The following ZNF483 variants were observed in gnomAD, a reference collection of about 807,000 sequenced individuals.
ZNF483 encodes the protein zinc finger protein 483.
Under a neutral mutation model 28.6 loss-of-function variants are expected in ZNF483, and 9 were observed. That is an observed-to-expected ratio of 0.32 (90% CI 0.19 to 0.55). The LOEUF is 0.55. Ranked by LOEUF, ZNF483 falls within the 20% of genes least tolerant of loss-of-function variation. The pLI, the probability that ZNF483 is intolerant of heterozygous loss-of-function variation, is 0.93. For synonymous variants in ZNF483, 322 were observed against 306.2 expected, an observed-to-expected ratio of 1.05 and a Z score of -0.54; for missense variants, 675 against 871.7, an observed-to-expected ratio of 0.77 and a Z score of 2.84.
chr9:111,531,063 T>G, intron 3 of ZNF483, 100 bp downstream of exon 3: 1 of 406,182 alleles, frequency 2.5e-6, no homozygotes, highest in Non-Finnish European at 4.3e-6. Context: ...GCACGGTGGC[T>G]TACACCTGTA....
In ZNF483 at chr9:111,543,279, G is replaced by C; in HGVS notation, c.*109G>C. The C allele has an allele frequency of 1.4e-6, 2 of 1,448,452 alleles. No individual in the cohort carries two copies. The highest frequency in any genetic ancestry group is 1.8e-6 in the Non-Finnish European group (2 of 1,107,434). 89.7% of individuals were successfully genotyped at this position (1,448,452 alleles called of 1,614,324 possible). A position where few individuals can be genotyped will look rare whatever the true frequency, so the allele number is the denominator to read the frequency against. The stretch of plus-strand genomic sequence containing the variant: ...CAGTAGCTGCAGCTTTCGTAAATTG[G>C]CAGTTAGGAAAAATATCCTTTTGCC... On this transcript the variant is annotated 3_prime_UTR_variant, in exon 6 of 6. Coordinates refer to ENST00000309235, the MANE Select transcript of ZNF483 (RefSeq NM_133464.5).
At chr9:111,533,301 T>A (rs1827396045) in intron 3 of ZNF483, among the ~76,000 whole-genome samples, 1 of 152,216 alleles carries the variant, frequency 6.6e-6, no homozygotes, top group Non-Finnish European at 1.5e-5. Context: ...TTGTTCTGAA[T>A]CACTTATAAC....
In ZNF483 at chr9:111,546,537, T is replaced by G. The variant is rs1295549519; in HGVS notation, c.*3367T>G. Among the ~76,000 whole-genome samples, 3 of 152,214 alleles carry G rather than the reference T, an allele frequency of 2.0e-5. No individual in the cohort carries two copies. The highest frequency in any genetic ancestry group is 1.5e-5 in the Non-Finnish European group (1 of 68,014). On this transcript the variant is annotated 3_prime_UTR_variant, in exon 6 of 6. Transcript: ENST00000309235. ...TTTATGAAGAGCACTGTGACACATT[T>G]TACTTTAAAATGAAGTCCTTGCTTT...
downstream of ZNF483, among the ~76,000 whole-genome samples, chr9:111,558,218 G>A (rs1202909372): frequency 2.0e-5 from 3 of 152,120 alleles, no homozygotes; most frequent in East Asian, 1.9e-4. Flanking sequence ...GTCTCAGTAC[G>A]GACTCATGGT....
At position 111,543,359 on chromosome 9, in the gene ZNF483, G is replaced by A; in HGVS notation, c.*189G>A. On this transcript the variant is annotated 3_prime_UTR_variant, in exon 6 of 6. Transcript: ENST00000309235. Reference sequence around the variant, plus strand: ...AACGACTGGTAAACAGTAATTAGTTGGTAAAGTCACTGGAAAGGGAAGAAT... The same window carrying A: ...AACGACTGGTAAACAGTAATTAGTTAGTAAAGTCACTGGAAAGGGAAGAAT... 3 of 1,343,150 alleles carry A rather than the reference G, an allele frequency of 2.2e-6. No homozygotes were observed. The highest frequency in any genetic ancestry group is 2.1e-5 in the South Asian group (1 of 47,838). 83.2% of individuals were successfully genotyped at this position (1,343,150 alleles called of 1,614,324 possible).
intron 5 of ZNF483, among the ~76,000 whole-genome samples, chr9:111,561,282 T>G (rs1267541835): frequency 1.3e-5 from 2 of 151,738 alleles, no homozygotes; most frequent in Non-Finnish European, 2.9e-5. Context: ...GTTTTGTTTT[T>G]AATTTTTTTT....
At position 111,554,868 on chromosome 9, in the gene ZNF483, C is replaced by A. The variant is rs1828076120; in HGVS notation, c.*11698C>A. 6.6e-6 allele frequency among the ~76,000 whole-genome samples: 1 copy of A among 152,328 alleles called. No homozygotes were observed. The highest frequency in any genetic ancestry group is 2.4e-5 in the African/African-American group (1 of 41,576). On this transcript the variant is annotated 3_prime_UTR_variant, in exon 6 of 6. Coordinates refer to ENST00000309235, the MANE Select transcript of ZNF483 (RefSeq NM_133464.5). ...CAAAGTCTAATCTGCTCAGGGTCTA[C>A]AACTGAAGTCCAGGGTCTTTGAGTT...
intron 5 of ZNF483, among the ~76,000 whole-genome samples, chr9:111,561,686 A>G (rs578228048): frequency 6.6e-6 from 1 of 152,282 alleles, no homozygotes; most frequent in East Asian, 1.9e-4. Context: ...GGTGTGTTGA[A>G]TAATTAGACT....
chr9:111,558,542 A>G (rs1432649135), downstream of ZNF483, among the ~76,000 whole-genome samples: 1 of 152,186 alleles, frequency 6.6e-6, no homozygotes, highest in African/African-American at 2.4e-5. Context: ...TTGCAAGCTC[A>G]TCTTGTATCT....
At chr9:111,573,873 T>C in intron 5 of ZNF483, among the ~76,000 whole-genome samples, 1 of 151,692 alleles carries the variant, frequency 6.6e-6, no homozygotes, top group East Asian at 1.9e-4. Context: ...CATAAGAGAG[T>C]AGGGAGTGGG....
At chr9:111,564,281 TTA>T (rs1828451925) in intron 5 of ZNF483, 10 of 297,546 alleles carry the variant, frequency 3.4e-5, no homozygotes, top group Middle Eastern at 1.4e-3. Flanking sequence ...TAAACTTTTA[TTA>T]TTATTATTAT....
At chr9:111,558,679 AGT>A (rs1828192030), downstream of ZNF483, among the ~76,000 whole-genome samples, 2 of 152,202 alleles carry the variant, frequency 1.3e-5, no homozygotes, top group Admixed American at 6.5e-5. Flanking sequence ...AGGCCCTCTT[AGT>A]GGGCAGAGTT....
Position 111,534,275 on chromosome 9 carries a change from A to G in ZNF483, c.643A>G (p.Lys215Glu). The change falls in exon 5 of 6, where the codon AAA (lysine) becomes GAA (glutamate). Residue 215 changes from lysine (K) to glutamate (E), a missense_variant. Physicochemically the swap from Lys to Glu is moderately conservative, Grantham distance 56 (BLOSUM62 1). Around this residue, in one of 6 missense-constraint regions of ZNF483, gnomAD observed 525 missense variants for 581.8 expected, o/e 0.90. Transcript: ENST00000309235. ...TCTATGAGCAGACTTTCCAGTTTCA[A>G]AATTAGAGTTGATTTCCCAGCTAAA... Reference protein sequence around the residue: ...NLEFLDFPVSKLELISQLKWV... With the variant: ...NLEFLDFPVSELELISQLKWV... 1 of 1,614,098 alleles carries G rather than the reference A, an allele frequency of 6.2e-7. No homozygotes were observed. Among genetic ancestry groups the G allele is most frequent in the Non-Finnish European group, 8.5e-7 (1 of 1,179,988 alleles).
intron 5 of ZNF483, among the ~76,000 whole-genome samples, chr9:111,567,535 C>G (rs879164992): frequency 2.6e-5 from 4 of 151,888 alleles, no homozygotes; most frequent in Non-Finnish European, 5.9e-5. Context: ...ATTCAGCAAG[C>G]AGTTACAGAG....
intron 5 of ZNF483, chr9:111,570,280 T>TCA: frequency 6.6e-7 from 1 of 1,526,268 alleles, no homozygotes; most frequent in Non-Finnish European, 8.8e-7. Flanking sequence ...GCAGTACAGG[T>TCA]CACTGTCACT....
intron 5 of ZNF483, chr9:111,562,448 G>C (rs1425628577): frequency 6.6e-6 from 1 of 151,724 alleles, no homozygotes; most frequent in Non-Finnish European, 1.5e-5. Flanking sequence ...GCTAATTTTT[G>C]TATTTTCAGT....
rs140358004 is a variant in ZNF483, at chr9:111,525,911, C to T, written c.-129+649C>T. Among the ~76,000 whole-genome samples the T allele has an allele frequency of 5.2e-4, 79 of 152,252 alleles. 1 individual carries two copies. The highest frequency in any genetic ancestry group is 1.8e-3 in the African/African-American group (73 of 41,552). The stretch of plus-strand genomic sequence containing the variant: ...TATGGTAGTTGCAATGCGAGGCTGT[C>T]ACATCCTTCACTTGTCGCATTGTAG... On this transcript the variant is annotated intron_variant, in intron 1 of 5. Transcript: ENST00000309235.
chr9:111,530,257 C>A (rs549318082), intron 2 of ZNF483, among the ~76,000 whole-genome samples: 1 of 152,202 alleles, frequency 6.6e-6, no homozygotes, highest in Non-Finnish European at 1.5e-5. Flanking sequence ...AGATAGCTAA[C>A]CACGTGGCAG....
In ZNF483 at chr9:111,565,309, C is replaced by T. The variant is rs1397174079; in HGVS notation, c.722-11056C>T. ...CTGCAAAGAAACAACCCTGCTGACA[C>T]CTTGATCTTAGACTTCTAGCCTCCA... is the stretch of plus-strand genomic sequence containing the variant. On this transcript the variant is annotated intron_variant, in intron 5 of 5. Coordinates refer to the ZNF483 transcript ENST00000358151. 2.0e-5 allele frequency among the ~76,000 whole-genome samples: 3 copies of T among 152,104 alleles called. No individual in the cohort carries two copies. The East Asian group carries it at 5.8e-4, about 29-fold the overall frequency.
Sources: gnomAD v4.1 joint callset for allele counts (sites outside exome capture counted in the v4.1 genomes callset) on GRCh38, gnomAD v4.1.1 for gene constraint, gnomAD v4.1.1 regional missense constraint, MANE v1.5 for transcripts, NCBI Gene and HGNC (gene_info 2026-07-23, HGNC 2026-07-21) for gene names.